DGKH: variants seen among roughly 807,000 people sequenced by gnomAD.
The protein encoded by DGKH is diacylglycerol kinase eta, also known as DAG kinase eta.
DGKH carries 90 observed loss-of-function variants against 159.3 expected under a neutral mutation model. The ratio of observed to expected loss-of-function variants is 0.57; its 90% CI spans 0.48 to 0.67. DGKH has a LOEUF of 0.67. DGKH is among the 30% of genes least tolerant of loss of function. The probability of loss-of-function intolerance (pLI) is 0.00; values close to 1 mark genes in which losing one functional copy is unlikely to be tolerated. For synonymous variants in DGKH, 536 were observed against 553.8 expected (o/e 0.97, Z 0.45); for missense variants, 1,181 against 1,506.1 (o/e 0.78, Z 3.57).
At chr13:42,174,636 C>T (rs1011267760) in intron 12 of DGKH, among the ~76,000 whole-genome samples, 3 of 152,224 alleles carry the variant, frequency 2.0e-5, no homozygotes, top group African/African-American at 7.2e-5. Flanking sequence ...AGTATCCAAA[C>T]ATACCAATAC....
downstream of DGKH, among the ~76,000 whole-genome samples, chr13:42,246,855 T>C (rs77634091): frequency 6.1e-3 from 929 of 152,272 alleles, 6 homozygotes; most frequent in Non-Finnish European, 0.01. Flanking sequence ...CTGCTCCCCA[T>C]GGTGAGAAAT....
chr13:42,224,749 C>T (rs529604391), intron 29 of DGKH, among the ~76,000 whole-genome samples: 45 of 152,114 alleles, frequency 3.0e-4, no homozygotes, highest in Non-Finnish European at 4.9e-4. Flanking sequence ...TACTTTTTCT[C>T]ACCTTGGGGA....
intron 4 of DGKH, 81 bp downstream of exon 4, chr13:42,155,476 A>T (rs1262371920): frequency 6.0e-6 from 9 of 1,491,430 alleles, no homozygotes; most frequent in East Asian, 4.5e-5. Flanking sequence ...CCGTGCAAAC[A>T]TAAGTATGTG....
intron 1 of DGKH, among the ~76,000 whole-genome samples, chr13:42,075,932 C>T (rs760356845): frequency 6.6e-6 from 1 of 152,186 alleles, no homozygotes; most frequent in Non-Finnish European, 1.5e-5. Flanking sequence ...CAGTCTTAAA[C>T]AATGTTATAA....
chr13:42,246,298 A>G (rs1235130230), downstream of DGKH, among the ~76,000 whole-genome samples: 1 of 152,182 alleles, frequency 6.6e-6, no homozygotes, highest in East Asian at 1.9e-4. Flanking sequence ...ATGAGAGACT[A>G]CAAGGCTGGG....
intron 3 of DGKH, chr13:42,138,038 T>G: frequency 2.1e-6 from 2 of 974,082 alleles, no homozygotes; most frequent in Non-Finnish European, 2.4e-6. Context: ...TAATAGCTCT[T>G]CCCATTATTA....
intron 3 of DGKH, among the ~76,000 whole-genome samples, chr13:42,144,178 C>T (rs1478620240): frequency 1.3e-5 from 2 of 152,044 alleles, no homozygotes; most frequent in African/African-American, 4.8e-5. Flanking sequence ...GTTCCATAAC[C>T]TCCTTGAAAG....
At chr13:42,182,187 C>G (rs1186577272) in intron 13 of DGKH, among the ~76,000 whole-genome samples, 2 of 152,260 alleles carry the variant, frequency 1.3e-5, no homozygotes, top group African/African-American at 2.4e-5. Context: ...GCTTTGACTT[C>G]CATGTGCCAT....
chr13:42,110,046 G>C (rs1356420360), intron 1 of DGKH, among the ~76,000 whole-genome samples: 3 of 152,258 alleles, frequency 2.0e-5, no homozygotes, highest in Admixed American at 6.5e-5. Context: ...ATGTAGTTGG[G>C]ACTCAGATAT....
intron 12 of DGKH, among the ~76,000 whole-genome samples, chr13:42,175,007 A>C (rs1415851245): frequency 6.6e-6 from 1 of 152,210 alleles, no homozygotes; most frequent in South Asian, 2.1e-4. Flanking sequence ...TTCTGATTAA[A>C]CCTCAAAGCG....
chr13:42,248,076 A>G (rs1337385885), intron 29 of DGKH, among the ~76,000 whole-genome samples: 1 of 152,210 alleles, frequency 6.6e-6, no homozygotes, highest in Non-Finnish European at 1.5e-5. Flanking sequence ...TTCACTCGCC[A>G]TTCACTCACT....
intron 14 of DGKH, among the ~76,000 whole-genome samples, chr13:42,188,321 G>A (rs142847435): frequency 3.3e-5 from 5 of 152,308 alleles, no homozygotes; most frequent in Non-Finnish European, 7.4e-5. Context: ...TTCACCTCTC[G>A]TAATACAAGA....
intron 30 of DGKH, chr13:42,255,796 T>C (rs1958652774): frequency 3.9e-6 from 2 of 513,170 alleles, no homozygotes; most frequent in Admixed American, 3.7e-5. Flanking sequence ...TTCTCTGTCA[T>C]TGGGTTAGGG....
chr13:42,129,637 G>T lies in DGKH; in HGVS notation c.384+5G>T. On this transcript the variant is annotated splice_donor_5th_base_variant and intron_variant, in intron 3 of 29. Transcript: ENST00000337343. ...AATGCTAACAACAGCTTCACGGTATGGTTATATTCTGCTAACTCCCTTCTC... is the reference window on the plus strand; with the variant it reads ...AATGCTAACAACAGCTTCACGGTATTGTTATATTCTGCTAACTCCCTTCTC... 3 of 1,609,428 alleles carry T rather than the reference G, an allele frequency of 1.9e-6. No individual in the cohort carries two copies. Among genetic ancestry groups the T allele is most frequent in the Non-Finnish European group, 2.5e-6 (3 of 1,177,382 alleles).
At chr13:42,041,738 C>T (rs1880521626) in intron 1 of DGKH, among the ~76,000 whole-genome samples, 1 of 152,144 alleles carries the variant, frequency 6.6e-6, no homozygotes, top group South Asian at 2.1e-4. Context: ...CTGCCTTTTC[C>T]CTGGCGTCGA....
At chr13:42,066,230 T>C (rs1344292119) in intron 1 of DGKH, 3 of 152,218 alleles carry the variant, frequency 2.0e-5, no homozygotes, top group African/African-American at 7.2e-5. Flanking sequence ...TTCTACACCA[T>C]GTTCGTAGCA....
chr13:42,127,548 C>G lies in DGKH; in HGVS notation c.278C>G (p.Thr93Ser). ...KKRYFKLRGR[T>S]LYYAKDSKSL... is the part of the protein sequence containing the mutation. The stretch of plus-strand genomic sequence containing the variant: ...CGATACTTCAAACTTCGAGGCCGCA[C>G]CCTTTACTATGCAAAGGACTCAAAG... The change falls in exon 2 of 30, where the codon ACC becomes AGC. Residue 93 changes from threonine (T) to serine (S), a missense_variant. Transcript: ENST00000337343. 6.2e-7 allele frequency: 1 copy of G among 1,613,688 alleles called. No homozygotes were observed. The highest frequency in any genetic ancestry group is 8.5e-7 in the Non-Finnish European group (1 of 1,179,738).
intron 1 of DGKH, among the ~76,000 whole-genome samples, chr13:42,117,999 C>T (rs1360238223): frequency 6.6e-6 from 1 of 152,096 alleles, no homozygotes; most frequent in Non-Finnish European, 1.5e-5. Flanking sequence ...AGGCGGATCA[C>T]GAGGTCAGGA....
chr13:42,100,454 A>C (rs1459400196), intron 1 of DGKH, among the ~76,000 whole-genome samples: 3 of 151,212 alleles, frequency 2.0e-5, no homozygotes, highest in African/African-American at 2.4e-5. Context: ...CACCCCCTCC[A>C]CCCCCGATCC....
Sources: allele counts gnomAD v4.1 joint callset (sites outside exome capture counted in the v4.1 genomes callset), GRCh38; gene constraint gnomAD v4.1.1; transcripts MANE v1.5; gene names NCBI Gene and HGNC (gene_info 2026-07-23, HGNC 2026-07-21).